CARMIL1: variants seen among roughly 807,000 people sequenced by gnomAD.
CARMIL1 encodes the protein F-actin-uncapping protein LRRC16A.
In CARMIL1, 90 loss-of-function variants were observed where a neutral mutation model predicts 177.1. That is an observed-to-expected ratio of 0.51 (90% CI 0.43 to 0.61). CARMIL1 has a LOEUF of 0.61. CARMIL1 is among the 20% of genes least tolerant of loss of function. The pLI is 0.00. For synonymous variants in CARMIL1, 577 were observed against 606.2 expected, an observed-to-expected ratio of 0.95 and a Z score of 0.71; for missense variants, 1,380 against 1,667.0, an observed-to-expected ratio of 0.83 and a Z score of 3.00.
Position 25,510,607 on chromosome 6 carries a change from G to C in CARMIL1, c.1577+1G>C. ...AAAATTTTAATAATATGAAATCCAA[G>C]TAAGAGTTTTGAATTTTTTTATATG... On this transcript the variant is annotated splice_donor_variant, in intron 19 of 36. Transcript: ENST00000329474. LOFTEE classifies it high-confidence loss of function. The C allele has an allele frequency of 6.5e-7, 1 of 1,541,654 alleles. No individual in the cohort carries two copies. Among genetic ancestry groups the C allele is most frequent in the Non-Finnish European group, 8.8e-7 (1 of 1,140,066 alleles).
At chr6:25,596,789 G>A (rs1473148260) in intron 32 of CARMIL1, among the ~76,000 whole-genome samples, 1 of 151,372 alleles carries the variant, frequency 6.6e-6, no homozygotes, top group African/African-American at 2.4e-5. Flanking sequence ...TTCAAATTTT[G>A]GAGCATTTCA....
chr6:25,447,457 A>G (rs1798344073), intron 5 of CARMIL1, among the ~76,000 whole-genome samples: 1 of 152,216 alleles, frequency 6.6e-6, no homozygotes, highest in Non-Finnish European at 1.5e-5. Flanking sequence ...CTGCAAGGTG[A>G]TGGAAATTCA....
chr6:25,309,114 C>T (rs1016399733), intron 2 of CARMIL1, among the ~76,000 whole-genome samples: 26 of 152,106 alleles, frequency 1.7e-4, no homozygotes, highest in Non-Finnish European at 3.5e-4. Flanking sequence ...TCATGAACTC[C>T]TGGGCTCAAG....
At chr6:25,615,402 A>G (rs952483291) in intron 36 of CARMIL1, among the ~76,000 whole-genome samples, 1 of 152,226 alleles carries the variant, frequency 6.6e-6, no homozygotes, top group Non-Finnish European at 1.5e-5. Flanking sequence ...TTTACTAGAA[A>G]TATTTGTAAG....
intron 29 of CARMIL1, among the ~76,000 whole-genome samples, chr6:25,560,274 T>G (rs1810987038): frequency 1.3e-5 from 2 of 152,162 alleles, no homozygotes; most frequent in Non-Finnish European, 2.9e-5. Context: ...TAAATGATCT[T>G]TTTCTTTTAA....
chr6:25,600,236 T>C (rs1815253093), intron 32 of CARMIL1, 78 bp from the exon 33 acceptor site: 27 of 1,337,816 alleles, frequency 2.0e-5, no homozygotes, highest in African/African-American at 4.4e-5. Flanking sequence ...GCAATCTCCA[T>C]ATTTATATTT....
intron 26 of CARMIL1, 70 bp downstream of exon 26, chr6:25,540,148 A>C: frequency 1.4e-6 from 2 of 1,386,044 alleles, no homozygotes; most frequent in Non-Finnish European, 1.9e-6. Context: ...ATTTCATTCC[A>C]TAGCTATCTA....
chr6:25,535,478 A>G (rs974934846), intron 24 of CARMIL1, among the ~76,000 whole-genome samples: 3 of 152,210 alleles, frequency 2.0e-5, no homozygotes, highest in African/African-American at 4.8e-5. Context: ...TCAAAACCTT[A>G]TCTAGGAATG....
intron 2 of CARMIL1, among the ~76,000 whole-genome samples, chr6:25,312,398 C>T (rs1223802390): frequency 3.3e-5 from 5 of 151,464 alleles, no homozygotes. Flanking sequence ...ACATCCTTCC[C>T]CTTGTTCCAC....
chr6:25,609,189 A>G (rs1562338919), intron 35 of CARMIL1, among the ~76,000 whole-genome samples: 2 of 152,076 alleles, frequency 1.3e-5, no homozygotes, highest in Admixed American at 6.5e-5. Context: ...AGAATTGGCC[A>G]GGCGCGGTGG....
chr6:25,573,590 CA>C (rs5875051), intron 29 of CARMIL1, among the ~76,000 whole-genome samples: 41 of 69,978 alleles, frequency 5.9e-4, no homozygotes, highest in East Asian at 2.1e-3. Context: ...TACCTCTAAG[CA>C]AAAAAAAAAA....
chr6:25,287,712 A>G (rs1247202717), intron 2 of CARMIL1, among the ~76,000 whole-genome samples: 2 of 152,220 alleles, frequency 1.3e-5, no homozygotes, highest in African/African-American at 4.8e-5. Flanking sequence ...AAATTGCTTC[A>G]CATCATTTGG....
Position 25,600,309 on chromosome 6 carries a change from T to A in CARMIL1, c.3120-5T>A. 6.3e-7 allele frequency: 1 copy of A among 1,599,954 alleles called. No individual in the cohort carries two copies. The highest frequency in any genetic ancestry group is 8.5e-7 in the Non-Finnish European group (1 of 1,173,902). On this transcript the variant is annotated splice_region_variant and splice_polypyrimidine_tract_variant and intron_variant, in intron 32 of 36. Coordinates refer to ENST00000329474, the MANE Select transcript of CARMIL1 (RefSeq NM_017640.6). ...AACAGATCTGTGTCTTGGTTTGAAA[T>A]GCAGGAAATGGTCAACAAGAGGCTC...
chr6:25,586,761 C>T (rs909007053), intron 31 of CARMIL1, among the ~76,000 whole-genome samples: 6 of 152,176 alleles, frequency 3.9e-5, no homozygotes, highest in Admixed American at 6.5e-5. Flanking sequence ...GAGACCAGCC[C>T]GGCCAACACG....
At position 25,365,644 on chromosome 6, in the gene CARMIL1, C is replaced by T. The variant is rs186454506; in HGVS notation, c.139-54470C>T. ...CTCAGCCCACTGCAACCTTCACTTC[C>T]CGGGCTCAAGTGATTCTCCTGCCTC... On this transcript the variant is annotated intron_variant, in intron 2 of 36. Coordinates refer to ENST00000329474, the MANE Select transcript of CARMIL1 (RefSeq NM_017640.6). Among the ~76,000 whole-genome samples the T allele has an allele frequency of 1.5e-3, 226 of 152,246 alleles. 5 individuals are homozygous for T. Among genetic ancestry groups the T allele is most frequent in the Admixed American group, 0.014 (214 of 15,296 alleles).
At chr6:25,342,887 G>A (rs900531729) in intron 2 of CARMIL1, among the ~76,000 whole-genome samples, 19 of 152,172 alleles carry the variant, frequency 1.2e-4, no homozygotes, top group Non-Finnish European at 2.5e-4. Context: ...AGCTGCACAC[G>A]TAGTTTACTG....
chr6:25,404,007 T>C (rs531422425), intron 2 of CARMIL1, among the ~76,000 whole-genome samples: 30 of 152,344 alleles, frequency 2.0e-4, no homozygotes, highest in Non-Finnish European at 3.4e-4. Flanking sequence ...AATGACAGTG[T>C]TTGTAAACAA....
At chr6:25,526,203 C>T (rs568669480) in intron 23 of CARMIL1, among the ~76,000 whole-genome samples, 70 of 150,342 alleles carry the variant, frequency 4.7e-4, no homozygotes, top group African/African-American at 1.6e-3. Flanking sequence ...ATAAGCCAGG[C>T]GTGGTGGTGG....
chr6:25,556,706 C>A lies in CARMIL1; in HGVS notation c.2598C>A (p.Asp866Glu), dbSNP rs373279823. 1 of 1,612,842 alleles carries A rather than the reference C, an allele frequency of 6.2e-7. No homozygotes were observed. Among genetic ancestry groups the A allele is most frequent in the Admixed American group, 1.7e-5 (1 of 59,790 alleles). Residue 866 changes from aspartate (D) to glutamate (E), a missense_variant, in exon 29 of 37, where the codon GAC (aspartate) becomes GAA (glutamate). Asp to Glu is a conservative substitution (Grantham distance 45). Coordinates refer to ENST00000329474, the MANE Select transcript of CARMIL1 (RefSeq NM_017640.6). The part of the protein sequence containing the change: ...ALSHCHHKLA[D>E]HFSRRGKTLP... ...TACACGTCTTGACCTTCTAGGCTGA[C>A]CATTTCAGCAGACGTGGCAAGACCC...
Sources: allele counts gnomAD v4.1 joint callset (sites outside exome capture counted in the v4.1 genomes callset), GRCh38; gene constraint gnomAD v4.1.1; transcripts MANE v1.5; gene names NCBI Gene and HGNC (gene_info 2026-07-23, HGNC 2026-07-21).